The following TNIP3 variants were observed in gnomAD, a reference collection of about 807,000 sequenced individuals.
TNIP3 encodes TNFAIP3 interacting protein 3, also known as TNFAIP3-interacting protein 3.
TNIP3 carries 34 observed loss-of-function variants against 54.1 expected under a neutral mutation model. That is an observed-to-expected ratio of 0.63 (90% CI 0.48 to 0.84). TNIP3 has a LOEUF of 0.84. Ranked by LOEUF, TNIP3 falls within the 40% of genes least tolerant of loss-of-function variation. The pLI is 0.00. For synonymous variants in TNIP3, 134 were observed against 136.8 expected (o/e 0.98, Z 0.14); for missense variants, 366 against 387.6 (o/e 0.94, Z 0.47).
intron 2 of TNIP3, among the ~76,000 whole-genome samples, chr4:121,159,472 G>A (rs919520835): frequency 2.0e-5 from 3 of 152,058 alleles, no homozygotes; most frequent in South Asian, 2.1e-4. Flanking sequence ...AAACTTTTTC[G>A]TATTTTTCTT....
chr4:121,168,071 T>C (rs570118076), upstream of TNIP3, among the ~76,000 whole-genome samples: 59 of 152,308 alleles, frequency 3.9e-4, no homozygotes, highest in Non-Finnish European at 6.6e-4. Context: ...ACATCCTGCA[T>C]CCAATCTATC....
upstream of TNIP3, among the ~76,000 whole-genome samples, chr4:121,218,512 A>C (rs1167028874): frequency 6.6e-6 from 1 of 151,360 alleles, no homozygotes; most frequent in Non-Finnish European, 1.5e-5. Context: ...CCAATAGTTT[A>C]TTTTCCTTCC....
intron 2 of TNIP3, among the ~76,000 whole-genome samples, chr4:121,213,235 G>T (rs182771017): frequency 5.0e-4 from 76 of 152,078 alleles, no homozygotes; most frequent in African/African-American, 1.7e-3. Flanking sequence ...GATGGCATTC[G>T]ATCCTGTTTA....
intron 3 of TNIP3, among the ~76,000 whole-genome samples, chr4:121,171,562 TAGTA>T (rs1382818030): frequency 4.6e-5 from 7 of 152,086 alleles, no homozygotes; most frequent in Non-Finnish European, 5.9e-5. Context: ...TAAAACAAAT[TAGTA>T]GATGAAGAGT....
intron 1 of TNIP3, chr4:121,216,552 G>A: frequency 6.5e-7 from 1 of 1,530,346 alleles, no homozygotes; most frequent in Non-Finnish European, 8.7e-7. Flanking sequence ...GTCAAGGGAA[G>A]TTAACTATGT....
At chr4:121,139,796 G>T (rs934768114) in intron 9 of TNIP3, among the ~76,000 whole-genome samples, 1 of 152,088 alleles carries the variant, frequency 6.6e-6, no homozygotes, top group Non-Finnish European at 1.5e-5. Flanking sequence ...TTATCTTCTC[G>T]TTTATTTTTA....
chr4:121,140,109 G>A (rs1448221976), intron 9 of TNIP3, among the ~76,000 whole-genome samples: 1 of 152,080 alleles, frequency 6.6e-6, no homozygotes, highest in Non-Finnish European at 1.5e-5. Context: ...GCCAAGGTGG[G>A]CGGATCATGA....
intron 4 of TNIP3, 105 bp downstream of exon 4, chr4:121,156,989 G>T: frequency 6.8e-7 from 1 of 1,469,772 alleles, no homozygotes; most frequent in South Asian, 1.2e-5. Flanking sequence ...TCGTTGCTCA[G>T]TAGTGAGTTG....
intron 1 of TNIP3, among the ~76,000 whole-genome samples, chr4:121,223,819 A>G (rs1198489947): frequency 6.6e-6 from 1 of 152,218 alleles, no homozygotes; most frequent in Non-Finnish European, 1.5e-5. Context: ...GAGTATAATG[A>G]ATTCTGATTT....
chr4:121,224,956 C>T (rs1727196274), intron 1 of TNIP3, among the ~76,000 whole-genome samples: 1 of 152,114 alleles, frequency 6.6e-6, no homozygotes, highest in Non-Finnish European at 1.5e-5. Flanking sequence ...GTCCGAGAGT[C>T]ATCTGGCTGT....
At chr4:121,222,188 A>T (rs1434025912) in intron 1 of TNIP3, among the ~76,000 whole-genome samples, 2 of 152,170 alleles carry the variant, frequency 1.3e-5, no homozygotes, top group Non-Finnish European at 2.9e-5. Context: ...AATATTAGTG[A>T]ATTTCTTCCC....
intron 3 of TNIP3, among the ~76,000 whole-genome samples, chr4:121,169,776 C>T (rs1275027421): frequency 6.6e-6 from 1 of 152,194 alleles, no homozygotes; most frequent in Non-Finnish European, 1.5e-5. Context: ...CTAGGAGAAT[C>T]GGGGAATGGG....
chr4:121,182,707 ATGG>A, exon 3 of TNIP3: 1 of 1,534,148 alleles, frequency 6.5e-7, no homozygotes, highest in Non-Finnish European at 8.7e-7. Context: ...GTGAGTTGGC[ATGG>A]CCTCTGGGGT....
intron 2 of TNIP3, among the ~76,000 whole-genome samples, chr4:121,209,146 A>G (rs1215238379): frequency 6.6e-6 from 1 of 152,256 alleles, no homozygotes; most frequent in African/African-American, 2.4e-5. Flanking sequence ...GTTAAGGGCG[A>G]GGACGCTGTG....
At chr4:121,224,723 T>A (rs1426179409) in intron 1 of TNIP3, among the ~76,000 whole-genome samples, 4 of 152,204 alleles carry the variant, frequency 2.6e-5, no homozygotes, top group African/African-American at 9.6e-5. Flanking sequence ...AAAATTTGAT[T>A]TTTATAGCTT....
Position 121,131,650 on chromosome 4 carries a change from G to T in TNIP3, c.*981C>A, listed in dbSNP as rs966028133. The T allele has an allele frequency of 1.4e-5, 2 of 148,110 alleles. No individual in the cohort carries two copies. The highest frequency in any genetic ancestry group is 5.0e-5 in the African/African-American group (2 of 39,808). 9.2% of individuals were successfully genotyped at this position (148,110 alleles called of 1,614,324 possible). ...GTGGTGTGGAGTGGGTGGGTAGGGG[G>T]CACTGAGTCTTGCTCACTCTATTTC... On this transcript the variant is annotated 3_prime_UTR_variant, in exon 11 of 11. Coordinates refer to ENST00000057513, the MANE Select transcript of TNIP3 (RefSeq NM_024873.6).
chr4:121,221,518 C>CA (rs892225034), upstream of TNIP3, among the ~76,000 whole-genome samples: 1 of 151,868 alleles, frequency 6.6e-6, no homozygotes, highest in Non-Finnish European at 1.5e-5. Flanking sequence ...TAATGATATT[C>CA]AAAAAAAGGA....
At chr4:121,178,160 A>T (rs924626944) in intron 3 of TNIP3, among the ~76,000 whole-genome samples, 1 of 152,244 alleles carries the variant, frequency 6.6e-6, no homozygotes, top group African/African-American at 2.4e-5. Context: ...AATTGTTTTC[A>T]TTAGACATAT....
chr4:121,165,108 G>A (rs1730683377), upstream of TNIP3, among the ~76,000 whole-genome samples: 1 of 151,742 alleles, frequency 6.6e-6, no homozygotes. Context: ...TAACTAAAAA[G>A]AGAAAAGAAT....
Sources: allele counts gnomAD v4.1 joint callset (sites outside exome capture counted in the v4.1 genomes callset), GRCh38; gene constraint gnomAD v4.1.1; transcripts MANE v1.5; gene names NCBI Gene and HGNC (gene_info 2026-07-23, HGNC 2026-07-21).